LINS1: variants seen among roughly 807,000 people sequenced by gnomAD.
LINS1 encodes the protein protein Lines homolog 1.
LINS1 carries 27 observed loss-of-function variants against 41.6 expected under a neutral mutation model. The ratio of observed to expected loss-of-function variants is 0.65; its 90% confidence interval spans 0.48 to 0.89. The LOEUF is 0.89. Ranked by LOEUF, LINS1 falls within the 40% of genes least tolerant of loss-of-function variation. The pLI is 0.00. For missense variants in LINS1, 955 were observed against 884.1 expected (o/e 1.08, Z -1.02); for synonymous variants, 336 against 312.9 (o/e 1.07, Z -0.78).
At chr15:100,592,105 T>C (rs930374277) in intron 1 of LINS1, among the ~76,000 whole-genome samples, 4 of 152,200 alleles carry the variant, frequency 2.6e-5, no homozygotes, top group African/African-American at 7.2e-5. Flanking sequence ...ATACACCAAG[T>C]AATCAATGGA....
At position 100,569,213 on chromosome 15, in the gene LINS1, A is replaced by G. The variant is rs1330487499; in HGVS notation, c.*25T>C. 6.8e-6 allele frequency: 10 copies of G among 1,480,890 alleles called. No individual in the cohort carries two copies. The highest frequency in any genetic ancestry group is 8.5e-6 in the Non-Finnish European group (9 of 1,061,458). The allele number at this position is 1,480,890 out of a possible 1,614,324, so 91.7% of individuals were successfully genotyped here. On this transcript the variant is annotated 3_prime_UTR_variant, in exon 7 of 7. Coordinates refer to ENST00000314742, the MANE Select transcript of LINS1 (RefSeq NM_001040616.3). ...ATAATTTATATTAAGGAAAAACAAT[A>G]CCTGGAAAATAAAATGTCAATGTTT... is the stretch of plus-strand genomic sequence containing the variant.
At chr15:100,586,987 T>C (rs771566739) in intron 1 of LINS1, among the ~76,000 whole-genome samples, 1 of 151,672 alleles carries the variant, frequency 6.6e-6, no homozygotes, top group Non-Finnish European at 1.5e-5. Context: ...GGTAAAACCC[T>C]GTCTCTACTA....
At chr15:100,599,767 T>G (rs1215980396) in intron 1 of LINS1, among the ~76,000 whole-genome samples, 1 of 152,186 alleles carries the variant, frequency 6.6e-6, no homozygotes, top group Non-Finnish European at 1.5e-5. Flanking sequence ...TTTGAACTGT[T>G]AAAAAGCAAA....
chr15:100,576,472 C>A (rs1596902627), intron 3 of LINS1: 1 of 151,982 alleles, frequency 6.6e-6, no homozygotes, highest in East Asian at 1.9e-4. Flanking sequence ...AAGACTAAAC[C>A]AGGAAGAAGC....
intron 1 of LINS1, among the ~76,000 whole-genome samples, chr15:100,594,972 T>C (rs760667983): frequency 7.2e-5 from 11 of 152,220 alleles, no homozygotes; most frequent in Non-Finnish European, 1.2e-4. Flanking sequence ...CATCAACAGT[T>C]CATCCACATT....
chr15:100,580,236 A>G (rs1169867511), intron 3 of LINS1, 27 bp downstream of exon 3: 1 of 1,482,014 alleles, frequency 6.7e-7, no homozygotes, highest in Non-Finnish European at 9.4e-7. Context: ...AAGAGAAATA[A>G]TAACATACTT....
At chr15:100,600,413 C>A (rs1374256105) in intron 1 of LINS1, among the ~76,000 whole-genome samples, 1 of 152,082 alleles carries the variant, frequency 6.6e-6, no homozygotes, top group Non-Finnish European at 1.5e-5. Context: ...CCAGCAACTC[C>A]ATTCTGATTT....
At position 100,573,797 on chromosome 15, in the gene LINS1, T is replaced by A. The variant is rs761289480; in HGVS notation, c.1076A>T (p.His359Leu). 2 of 1,614,128 alleles carry A rather than the reference T, an allele frequency of 1.2e-6. No homozygotes were observed. Among genetic ancestry groups the A allele is most frequent in the African/African-American group, 2.7e-5 (2 of 74,946 alleles). ...AACTTCATCACCTCCAAAAAAGGAA[T>A]GTTTTTCATAAACAGACAGTGTCTT... Reference protein sequence around the residue: ...LLKTLSVYEKHSFFGGDEVQP... With the variant: ...LLKTLSVYEKLSFFGGDEVQP... Residue 359 changes from histidine (H) to leucine (L), a missense_variant, in exon 5 of 7, where the codon CAT becomes CTT. His to Leu is a moderately conservative substitution (Grantham distance 99, BLOSUM62 -3). Coordinates refer to ENST00000314742, the MANE Select transcript of LINS1 (RefSeq NM_001040616.3).
chr15:100,592,601 C>T (rs939113516), intron 1 of LINS1, among the ~76,000 whole-genome samples: 2 of 152,166 alleles, frequency 1.3e-5, no homozygotes, highest in Non-Finnish European at 2.9e-5. Context: ...AATAACAAAA[C>T]ACTGCCTTTT....
chr15:100,589,436 A>G (rs1240859462), intron 1 of LINS1, among the ~76,000 whole-genome samples: 3 of 152,250 alleles, frequency 2.0e-5, no homozygotes, highest in Non-Finnish European at 2.9e-5. Context: ...CAATTTACCT[A>G]TGATAACCCA....
Position 100,569,877 on chromosome 15 carries a change from A to C in LINS1, c.1635T>G (p.Phe545Leu). The C allele has an allele frequency of 6.2e-7, 1 of 1,613,842 alleles. No homozygotes were observed. The highest frequency in any genetic ancestry group is 8.5e-7 in the Non-Finnish European group (1 of 1,179,748). ...TGTCATATTTAGATTCAGTTGCATCAAAGTTATTGCAAATGGTGAAAAAAT... is the reference window on the plus strand; with the variant it reads ...TGTCATATTTAGATTCAGTTGCATCCAAGTTATTGCAAATGGTGAAAAAAT... Reference protein sequence around the residue: ...WDNFFTICNNFDATESKYDIS... With the variant: ...WDNFFTICNNLDATESKYDIS... The change falls in exon 7 of 7, where the codon TTT (phenylalanine) becomes TTG (leucine). Residue 545 changes from phenylalanine (F) to leucine (L), a missense_variant. Coordinates refer to ENST00000314742, the MANE Select transcript of LINS1 (RefSeq NM_001040616.3).
At chr15:100,589,153 A>G (rs1357912421) in intron 1 of LINS1, among the ~76,000 whole-genome samples, 1 of 152,234 alleles carries the variant, frequency 6.6e-6, no homozygotes, top group Admixed American at 6.5e-5. Flanking sequence ...TGTAACTGAG[A>G]CTACTGAAGA....
chr15:100,583,463 T>C (rs966195147), intron 1 of LINS1, among the ~76,000 whole-genome samples: 2 of 151,750 alleles, frequency 1.3e-5, no homozygotes, highest in Non-Finnish European at 3.0e-5. Flanking sequence ...ATAAGTTTTC[T>C]CTGAATCACA....
chr15:100,598,505 G>C (rs951791318), intron 1 of LINS1, among the ~76,000 whole-genome samples: 1 of 152,146 alleles, frequency 6.6e-6, no homozygotes, highest in Non-Finnish European at 1.5e-5. Context: ...ATCTGACAAC[G>C]TACTTGACAG....
At position 100,574,102 on chromosome 15, in the gene LINS1, C is replaced by T. The variant is rs901750472; in HGVS notation, c.771G>A (p.Glu257=). The T allele has an allele frequency of 5.0e-6, 8 of 1,614,176 alleles. No homozygotes were observed. Among genetic ancestry groups the T allele is most frequent in the Non-Finnish European group, 6.8e-6 (8 of 1,180,008 alleles). Residue 257 remains glutamate (E), a synonymous_variant, in exon 5 of 7, where the codon GAG becomes GAA. Transcript: ENST00000314742. ...GGTGGATTCTGGAGGCGATGAGAAG[C>T]TCAAGCAAATCCAGGAAACACATCA... ...NILMCFLDLL[E]LLIASRIHLK...
At chr15:100,577,168 T>C (rs2038234799) in intron 3 of LINS1, among the ~76,000 whole-genome samples, 2 of 152,210 alleles carry the variant, frequency 1.3e-5, no homozygotes, top group Admixed American at 1.3e-4. Flanking sequence ...TGTTGGAAAT[T>C]CTGGCCAGGG....
intron 1 of LINS1, among the ~76,000 whole-genome samples, chr15:100,588,350 T>C (rs1209248523): frequency 6.6e-6 from 1 of 152,238 alleles, no homozygotes; most frequent in Admixed American, 6.5e-5. Flanking sequence ...AATGAATCCT[T>C]TATCTTCTGT....
At chr15:100,593,549 T>C (rs1247971854) in intron 1 of LINS1, among the ~76,000 whole-genome samples, 1 of 56,310 alleles carries the variant, frequency 1.8e-5, no homozygotes, top group African/African-American at 6.2e-5. Flanking sequence ...AAGTGAGTTT[T>C]ACAACTTTAT....
At chr15:100,581,959 T>C (rs2038565333) in intron 1 of LINS1, among the ~76,000 whole-genome samples, 1 of 152,272 alleles carries the variant, frequency 6.6e-6, no homozygotes. Flanking sequence ...TCATTTTATA[T>C]GGGTTGTGAT....
Sources: gnomAD v4.1 joint callset for allele counts (sites outside exome capture counted in the v4.1 genomes callset) on GRCh38, gnomAD v4.1.1 for gene constraint, MANE v1.5 for transcripts, NCBI Gene and HGNC (gene_info 2026-07-23, HGNC 2026-07-21) for gene names.